The following ZMYM2 variants were observed in gnomAD, a reference collection of about 807,000 sequenced individuals.
ZMYM2 encodes zinc finger MYM-type containing 2.
A neutral mutation model predicts 162.8 loss-of-function variants in ZMYM2; 56 were observed. The ratio of observed to expected loss-of-function variants is 0.34; its 90% CI spans 0.28 to 0.43. The LOEUF is 0.43. ZMYM2 is among the 20% of genes least tolerant of loss of function. The probability of loss-of-function intolerance (pLI) is 1.00; values close to 1 mark genes in which losing one functional copy is unlikely to be tolerated. For missense variants in ZMYM2, 1,275 were observed against 1,621.8 expected (o/e 0.79, Z 3.67); for synonymous variants, 510 against 541.6 (o/e 0.94, Z 0.81).
At chr13:19,883,801 G>C in the ZMYM2 span, among the ~76,000 whole-genome samples, 1 of 152,182 alleles carries the variant, frequency 6.6e-6, no homozygotes, top group African/African-American at 2.4e-5. Context: ...CTGTTGCCCA[G>C]GCTGGAGCGC....
the ZMYM2 span, among the ~76,000 whole-genome samples, chr13:19,898,271 C>T: frequency 6.7e-6 from 1 of 149,612 alleles, no homozygotes; most frequent in South Asian, 2.1e-4. Flanking sequence ...CTCACTGTGT[C>T]GCCCAGGCTG....
At chr13:19,864,917 T>C in the ZMYM2 span, 1 of 152,312 alleles carries the variant, frequency 6.6e-6, no homozygotes. Flanking sequence ...CACGTAAAGA[T>C]GGAAGCGATT....
At chr13:19,872,682 C>T in the ZMYM2 span, among the ~76,000 whole-genome samples, 3 of 152,132 alleles carry the variant, frequency 2.0e-5, no homozygotes, top group African/African-American at 4.8e-5. Flanking sequence ...TGATTGCTAA[C>T]GTTTTGTTAC....
the ZMYM2 span, among the ~76,000 whole-genome samples, chr13:19,880,380 C>T: frequency 6.6e-6 from 1 of 152,016 alleles, no homozygotes; most frequent in African/African-American, 2.4e-5. Context: ...CCACCTTCTT[C>T]GTTAATTTAA....
At chr13:20,073,075 T>G (rs1957213467) in intron 21 of ZMYM2, among the ~76,000 whole-genome samples, 1 of 151,966 alleles carries the variant, frequency 6.6e-6, no homozygotes, top group Non-Finnish European at 1.5e-5. Context: ...ATCTGGCTAA[T>G]TTTTGTATTT....
chr13:20,066,668 TAGA>T (rs1360053169), intron 19 of ZMYM2, 180 bp from the exon 20 acceptor site: 1 of 459,664 alleles, frequency 2.2e-6, no homozygotes, highest in East Asian at 3.5e-5. Flanking sequence ...TTGGAAGAGG[TAGA>T]AGGAGGTTGG....
At chr13:19,871,241 A>ATT in the ZMYM2 span, among the ~76,000 whole-genome samples, 1 of 152,204 alleles carries the variant, frequency 6.6e-6, no homozygotes, top group Non-Finnish European at 1.5e-5. Context: ...TAACACAGAA[A>ATT]GTAAAGAGAT....
At chr13:20,003,582 G>C (rs571425943) in intron 4 of ZMYM2, among the ~76,000 whole-genome samples, 90 of 151,810 alleles carry the variant, frequency 5.9e-4, no homozygotes, top group African/African-American at 2.0e-3. Context: ...TTTTTAGCCA[G>C]CCTTAGAAAG....
At chr13:19,931,134 C>A in the ZMYM2 span, among the ~76,000 whole-genome samples, 250 of 128,568 alleles carry the variant, frequency 1.9e-3, 2 homozygotes, top group Middle Eastern at 8.2e-3. Context: ...GCGAGACTCT[C>A]TCTCAAAAAA....
In ZMYM2 at chr13:20,027,447, A is replaced by G. The variant is rs540606043; in HGVS notation, c.1851+129A>G. 220 of 667,764 alleles carry G rather than the reference A, an allele frequency of 3.3e-4. 2 individuals carry two copies. The African/African-American group carries it at 3.5e-3, about 11-fold the overall frequency. 41.4% of individuals were successfully genotyped at this position (667,764 alleles called of 1,614,324 possible). A position where few individuals can be genotyped will look rare whatever the true frequency, so the allele number is the denominator to read the frequency against. On this transcript the variant is annotated intron_variant, in intron 9 of 24. Transcript: ENST00000610343. ...TGTTGAGGGTCAAATTGGAAGGTGG[A>G]TATCCTAGTCACAGAATATGTGGCT...
At chr13:20,050,420 C>T (rs778376666) in intron 12 of ZMYM2, among the ~76,000 whole-genome samples, 4 of 151,920 alleles carry the variant, frequency 2.6e-5, no homozygotes, top group African/African-American at 7.2e-5. Flanking sequence ...AAGGAAAAGC[C>T]ATGGCCACAG....
intron 12 of ZMYM2, among the ~76,000 whole-genome samples, chr13:20,041,514 G>A (rs1193588388): frequency 1.3e-5 from 2 of 152,128 alleles, no homozygotes; most frequent in Non-Finnish European, 2.9e-5. Context: ...AAGCCACTGT[G>A]TACCTTTTAA....
intron 21 of ZMYM2, 40 bp downstream of exon 21, chr13:20,067,430 A>C: frequency 6.5e-7 from 1 of 1,535,526 alleles, no homozygotes; most frequent in Admixed American, 1.8e-5. Context: ...TAACATTAAT[A>C]AGAAAAGTTG....
chr13:19,881,711 G>C, the ZMYM2 span, among the ~76,000 whole-genome samples: 1 of 151,906 alleles, frequency 6.6e-6, no homozygotes, highest in Non-Finnish European at 1.5e-5. Context: ...TTGGTCAGGC[G>C]CTGTGGCTCA....
At chr13:20,056,647 G>A (rs1955818102) in intron 14 of ZMYM2, among the ~76,000 whole-genome samples, 1 of 151,828 alleles carries the variant, frequency 6.6e-6, no homozygotes, top group Admixed American at 6.6e-5. Context: ...TAACTGTTGG[G>A]AAGATGTTTG....
the ZMYM2 span, among the ~76,000 whole-genome samples, chr13:19,900,345 A>G: frequency 6.6e-6 from 1 of 152,182 alleles, no homozygotes; most frequent in African/African-American, 2.4e-5. Context: ...TAACCGATAT[A>G]AAATGGATAA....
the ZMYM2 span, among the ~76,000 whole-genome samples, chr13:19,901,932 A>G: frequency 2.0e-5 from 3 of 152,038 alleles, no homozygotes; most frequent in Non-Finnish European, 2.9e-5. Flanking sequence ...CTAGCACTAT[A>G]GGCATGCACC....
chr13:19,924,381 A>G, the ZMYM2 span, among the ~76,000 whole-genome samples: 2 of 152,076 alleles, frequency 1.3e-5, no homozygotes, highest in African/African-American at 2.4e-5. Context: ...GTGGGGCAAC[A>G]TAGTGAGACC....
At chr13:19,974,861 A>G (rs1240014602) in intron 2 of ZMYM2, among the ~76,000 whole-genome samples, 1 of 152,154 alleles carries the variant, frequency 6.6e-6, no homozygotes, top group Non-Finnish European at 1.5e-5. Flanking sequence ...GTTGCCCTCT[A>G]TAGAGACTGT....
Sources: gnomAD v4.1 joint callset for allele counts (sites outside exome capture counted in the v4.1 genomes callset) on GRCh38, gnomAD v4.1.1 for gene constraint, MANE v1.5 for transcripts, NCBI Gene and HGNC (gene_info 2026-07-23, HGNC 2026-07-21) for gene names.